Variants in CNTN1 observed in about 807,000 individuals in gnomAD.
CNTN1 encodes contactin 1, also known as contactin-1.
Under a neutral mutation model 126.4 loss-of-function variants are expected in CNTN1, and 38 were observed. The ratio of observed to expected loss-of-function variants is 0.30; its 90% confidence interval spans 0.23 to 0.39. The LOEUF (loss-of-function observed/expected upper bound fraction) is 0.39. CNTN1 is among the 10% of genes least tolerant of loss of function. CNTN1 has a pLI of 1.00. For missense variants in CNTN1, 1,009 were observed against 1,248.4 expected (o/e 0.81, Z 2.89); for synonymous variants, 413 against 422.6 (o/e 0.98, Z 0.28).
intron 1 of CNTN1, among the ~76,000 whole-genome samples, chr12:40,767,620 G>T (rs1191112775): frequency 3.5e-5 from 5 of 142,144 alleles, no homozygotes; most frequent in Non-Finnish European, 7.7e-5. Flanking sequence ...TTTTTTGTTT[G>T]TTTGTTTGTT....
intron 23 of CNTN1, among the ~76,000 whole-genome samples, chr12:41,035,598 G>T (rs373614217): frequency 6.6e-6 from 1 of 152,112 alleles, no homozygotes; most frequent in African/African-American, 2.4e-5. Context: ...GGAAAAATGA[G>T]TGGCTCTTTA....
At chr12:40,954,476 C>T (rs1313468718) in intron 14 of CNTN1, among the ~76,000 whole-genome samples, 1 of 151,892 alleles carries the variant, frequency 6.6e-6, no homozygotes, top group Non-Finnish European at 1.5e-5. Flanking sequence ...TTATTCTCTG[C>T]TTACCTCAAA....
intron 1 of CNTN1, among the ~76,000 whole-genome samples, chr12:40,834,899 A>C (rs1362312408): frequency 6.6e-6 from 1 of 152,198 alleles, no homozygotes; most frequent in African/African-American, 2.4e-5. Flanking sequence ...AATTATTATG[A>C]GCATACAATT....
At chr12:41,060,330 T>A (rs1949913797) in intron 23 of CNTN1, among the ~76,000 whole-genome samples, 1 of 152,180 alleles carries the variant, frequency 6.6e-6, no homozygotes, top group South Asian at 2.1e-4. Context: ...AGTGCTCAAC[T>A]GGTCCTTCAA....
chr12:40,882,774 C>T (rs1943910486), intron 1 of CNTN1, among the ~76,000 whole-genome samples: 1 of 151,516 alleles, frequency 6.6e-6, no homozygotes, highest in African/African-American at 2.4e-5. Flanking sequence ...TATTGTAATG[C>T]TTTGAATTTA....
At chr12:40,945,545 T>C (rs1433590685) in intron 14 of CNTN1, among the ~76,000 whole-genome samples, 2 of 152,036 alleles carry the variant, frequency 1.3e-5, no homozygotes, top group African/African-American at 4.8e-5. Flanking sequence ...CAATGAAGTC[T>C]ATGTAAATAA....
At chr12:40,733,657 A>G (rs1479136051) in intron 1 of CNTN1, among the ~76,000 whole-genome samples, 1 of 151,970 alleles carries the variant, frequency 6.6e-6, no homozygotes, top group East Asian at 1.9e-4. Context: ...AATATTTCCA[A>G]TTTGATAAAA....
chr12:40,707,347 C>T (rs1163073787), intron 1 of CNTN1, among the ~76,000 whole-genome samples: 2 of 147,824 alleles, frequency 1.4e-5, no homozygotes. Context: ...CTCCTGGGTT[C>T]GCGCCATTCT....
chr12:41,024,631 T>C (rs1380780570), intron 20 of CNTN1, among the ~76,000 whole-genome samples: 1 of 152,172 alleles, frequency 6.6e-6, no homozygotes, highest in Non-Finnish European at 1.5e-5. Context: ...GAAATAACAT[T>C]AGATACTTCT....
At chr12:41,034,173 A>C (rs1257087353) in intron 23 of CNTN1, among the ~76,000 whole-genome samples, 1 of 152,208 alleles carries the variant, frequency 6.6e-6, no homozygotes. Flanking sequence ...TAAAGTTACT[A>C]TATATTCATT....
intron 18 of CNTN1, 71 bp from the exon 19 acceptor site, chr12:41,016,611 T>A: frequency 1.1e-6 from 1 of 951,170 alleles, no homozygotes; most frequent in Non-Finnish European, 1.7e-6. Context: ...GTGTGTGTCA[T>A]TATCCCCATA....
rs117400237 is a variant in CNTN1 at position 40,852,339 on chromosome 12, G to A, written c.-76-56018G>A. The stretch of plus-strand genomic sequence containing the variant: ...CTTCTTATTTTATAGATGAGGAAAC[G>A]TTCAGAGAAGTTGGCTTTTGGGTTG... On this transcript the variant is annotated intron_variant, in intron 1 of 23. Transcript: ENST00000551295. Among the ~76,000 whole-genome samples the A allele has an allele frequency of 2.5e-3, 382 of 152,246 alleles. 2 individuals are homozygous for A. The highest frequency in any genetic ancestry group is 0.017 in the Middle Eastern group (5 of 294).
At chr12:40,751,734 T>G (rs1408700013) in intron 1 of CNTN1, among the ~76,000 whole-genome samples, 1 of 152,044 alleles carries the variant, frequency 6.6e-6, no homozygotes, top group Non-Finnish European at 1.5e-5. Context: ...GCATTACCAG[T>G]TATATGAGTT....
intron 1 of CNTN1, among the ~76,000 whole-genome samples, chr12:40,815,187 G>T (rs1286730120): frequency 6.6e-6 from 1 of 152,168 alleles, no homozygotes; most frequent in Non-Finnish European, 1.5e-5. Flanking sequence ...ATTCTGTGAA[G>T]AATGTCAATG....
intron 15 of CNTN1, among the ~76,000 whole-genome samples, chr12:40,976,805 G>A (rs574861475): frequency 6.6e-6 from 1 of 152,246 alleles, no homozygotes; most frequent in African/African-American, 2.4e-5. Context: ...GTTGAAGTCC[G>A]ACCGTCCACG....
chr12:40,875,169 C>T (rs1943627239), intron 1 of CNTN1, among the ~76,000 whole-genome samples: 1 of 152,104 alleles, frequency 6.6e-6, no homozygotes, highest in South Asian at 2.1e-4. Context: ...CAAGTCTAGA[C>T]ATAAATATTG....
chr12:40,838,290 C>T (rs540215184), intron 1 of CNTN1, among the ~76,000 whole-genome samples: 1 of 152,046 alleles, frequency 6.6e-6, no homozygotes, highest in Non-Finnish European at 1.5e-5. Flanking sequence ...GGAAATGGGC[C>T]CGCCTAGCCC....
At chr12:40,698,228 A>ATTTTTTTTTTTTTTTTTTTTT (rs35570862) in intron 1 of CNTN1, among the ~76,000 whole-genome samples, 3 of 69,884 alleles carry the variant, frequency 4.3e-5, no homozygotes, top group African/African-American at 1.7e-4. Flanking sequence ...CAGCCACTTA[A>ATTTTTTTTTTTTTTTTTTTTT]TTTTTTTTTT....
At chr12:41,030,477 T>C (rs922399362) in intron 23 of CNTN1, among the ~76,000 whole-genome samples, 1 of 152,110 alleles carries the variant, frequency 6.6e-6, no homozygotes, top group Non-Finnish European at 1.5e-5. Flanking sequence ...AAAATAATCA[T>C]GTTCCAAATA....
Sources: gnomAD v4.1 joint callset for allele counts (sites outside exome capture counted in the v4.1 genomes callset) on GRCh38, gnomAD v4.1.1 for gene constraint, MANE v1.5 for transcripts, NCBI Gene and HGNC (gene_info 2026-07-23, HGNC 2026-07-21) for gene names.